The following LYPLAL1 variants were observed in gnomAD, a reference collection of about 807,000 sequenced individuals.
LYPLAL1 encodes the protein lysophospholipase-like protein 1.
A neutral mutation model predicts 19.7 loss-of-function variants in LYPLAL1; 23 were observed. The ratio of observed to expected loss-of-function variants is 1.17; its 90% CI spans 0.84 to 1.65. The LOEUF (loss-of-function observed/expected upper bound fraction) is 1.65. Ranked by LOEUF, LYPLAL1 falls within the 40% of genes most tolerant of loss-of-function variation. The pLI, the probability that LYPLAL1 is intolerant of heterozygous loss-of-function variation, is 0.00. For missense variants in LYPLAL1, 355 were observed against 279.4 expected, an observed-to-expected ratio of 1.27 and a Z score of -1.93; for synonymous variants, 119 against 96.3, an observed-to-expected ratio of 1.24 and a Z score of -1.38.
chr1:219,399,075 G>A, the LYPLAL1 span, among the ~76,000 whole-genome samples: 1 of 152,198 alleles, frequency 6.6e-6, no homozygotes, highest in Non-Finnish European at 1.5e-5. Context: ...GGGCACCCTT[G>A]TTGGCTGCAG....
At chr1:219,178,823 A>T (rs897239145) in intron 1 of LYPLAL1, among the ~76,000 whole-genome samples, 75 of 151,990 alleles carry the variant, frequency 4.9e-4, no homozygotes, top group African/African-American at 1.6e-3. Context: ...CAGAAATAAA[A>T]TTTTTTTTAG....
chr1:219,372,779 C>G, the LYPLAL1 span, among the ~76,000 whole-genome samples: 3 of 151,990 alleles, frequency 2.0e-5, no homozygotes. Flanking sequence ...TGATATGCCC[C>G]TATAATCCCA....
the LYPLAL1 span, among the ~76,000 whole-genome samples, chr1:219,292,672 A>G: frequency 6.6e-6 from 1 of 152,214 alleles, no homozygotes; most frequent in South Asian, 2.1e-4. Flanking sequence ...TCTTTAGGAT[A>G]TTCACTGAAC....
At chr1:219,286,214 T>C in the LYPLAL1 span, among the ~76,000 whole-genome samples, 1 of 152,056 alleles carries the variant, frequency 6.6e-6, no homozygotes, top group Non-Finnish European at 1.5e-5. Flanking sequence ...GTGGCTTCCT[T>C]AAAGTGACAA....
At chr1:219,282,535 T>C in the LYPLAL1 span, among the ~76,000 whole-genome samples, 1 of 146,680 alleles carries the variant, frequency 6.8e-6, no homozygotes, top group Non-Finnish European at 1.5e-5. Flanking sequence ...TCCAGGTAGG[T>C]TATGGTAAAA....
chr1:219,198,761 A>G (rs1414242936), intron 3 of LYPLAL1: 2 of 152,202 alleles, frequency 1.3e-5, no homozygotes, highest in African/African-American at 4.8e-5. Context: ...TGAATGCACA[A>G]AAGATGGTAA....
chr1:219,286,168 T>C, the LYPLAL1 span, among the ~76,000 whole-genome samples: 1 of 152,008 alleles, frequency 6.6e-6, no homozygotes, highest in African/African-American at 2.4e-5. Context: ...AGCAGAGATA[T>C]GGGGATGGTG....
the LYPLAL1 span, among the ~76,000 whole-genome samples, chr1:219,228,523 A>G: frequency 6.6e-6 from 1 of 151,978 alleles, no homozygotes; most frequent in Non-Finnish European, 1.5e-5. Flanking sequence ...TTCACGTGAC[A>G]TAATTTATTA....
intron 3 of LYPLAL1, among the ~76,000 whole-genome samples, chr1:219,204,469 AAGAC>A (rs1477447983): frequency 1.3e-5 from 2 of 152,188 alleles, no homozygotes; most frequent in African/African-American, 4.8e-5. Context: ...GTTTCTGTCT[AAGAC>A]AGGAAACTGG....
At chr1:219,358,702 A>C in the LYPLAL1 span, among the ~76,000 whole-genome samples, 1 of 152,148 alleles carries the variant, frequency 6.6e-6, no homozygotes, top group Non-Finnish European at 1.5e-5. Context: ...CCTATGATCC[A>C]ATCACCTCCC....
chr1:219,417,492 C>T, the LYPLAL1 span, among the ~76,000 whole-genome samples: 4 of 152,176 alleles, frequency 2.6e-5, no homozygotes, highest in African/African-American at 9.7e-5. Context: ...CCCTGTGTAA[C>T]ATTCTGTAAA....
the LYPLAL1 span, among the ~76,000 whole-genome samples, chr1:219,232,522 A>G: frequency 1.2e-4 from 18 of 152,194 alleles, no homozygotes; most frequent in African/African-American, 4.3e-4. Context: ...AGCAAAAGTA[A>G]AAATAGATGG....
At chr1:219,229,404 AGTGGCCTGATTCCCGGCG>A in the LYPLAL1 span, among the ~76,000 whole-genome samples, 1 of 149,816 alleles carries the variant, frequency 6.7e-6, no homozygotes, top group Non-Finnish European at 1.5e-5. Context: ...AAGGACAGGG[AGTGGCCTGATTCCCGGCG>A]AAAAGCATCT....
chr1:219,211,830 T>G lies in LYPLAL1; in HGVS notation c.*102T>G. On this transcript the variant is annotated 3_prime_UTR_variant, in exon 5 of 5. Coordinates refer to ENST00000366928, the MANE Select transcript of LYPLAL1 (RefSeq NM_138794.5). ...AATTAAAATATTAAGAAATAACACT[T>G]TCCTGACTTTTTTATTATTAAAATG... 1 of 741,500 alleles carries G rather than the reference T, an allele frequency of 1.3e-6. No individual in the cohort carries two copies. The highest frequency in any genetic ancestry group is 3.1e-5 in the Admixed American group (1 of 32,616). The allele number at this position is 741,500 out of a possible 1,614,324, so 45.9% of individuals were successfully genotyped here.
At chr1:219,374,170 A>G in the LYPLAL1 span, among the ~76,000 whole-genome samples, 55 of 147,068 alleles carry the variant, frequency 3.7e-4, no homozygotes, top group Admixed American at 3.7e-3. Flanking sequence ...CGGTATGGAT[A>G]TTGGATTTTT....
chr1:219,228,325 C>G, the LYPLAL1 span, among the ~76,000 whole-genome samples: 8 of 151,986 alleles, frequency 5.3e-5, no homozygotes, highest in African/African-American at 1.9e-4. Context: ...CCTTTTCATG[C>G]AGCACATGTC....
At chr1:219,338,860 A>C in the LYPLAL1 span, among the ~76,000 whole-genome samples, 1 of 151,760 alleles carries the variant, frequency 6.6e-6, no homozygotes, top group African/African-American at 2.4e-5. Context: ...CATGGACATA[A>C]TTATTTTAAT....
At chr1:219,204,338 CT>C (rs781264029) in intron 3 of LYPLAL1, among the ~76,000 whole-genome samples, 2 of 152,226 alleles carry the variant, frequency 1.3e-5, no homozygotes, top group East Asian at 3.9e-4. Flanking sequence ...ATTGTCCTGC[CT>C]TCTTCTGGCT....
chr1:219,397,213 C>T, the LYPLAL1 span, among the ~76,000 whole-genome samples: 1 of 152,130 alleles, frequency 6.6e-6, no homozygotes, highest in Non-Finnish European at 1.5e-5. Context: ...TGATGAATCA[C>T]ATTTATTGAT....
Sources: gnomAD v4.1 joint callset for allele counts (sites outside exome capture counted in the v4.1 genomes callset) on GRCh38, gnomAD v4.1.1 for gene constraint, MANE v1.5 for transcripts, NCBI Gene and HGNC (gene_info 2026-07-23, HGNC 2026-07-21) for gene names.